FRMD6: variants seen among roughly 807,000 people sequenced by gnomAD.
FRMD6 encodes the protein FERM domain-containing protein 6.
In FRMD6, 37 loss-of-function variants were observed where a neutral mutation model predicts 73.2. That is an observed-to-expected ratio of 0.51 (90% CI 0.39 to 0.66). The LOEUF (loss-of-function observed/expected upper bound fraction) is 0.66, where lower values mean the gene tolerates loss of function less well. Ranked by LOEUF, FRMD6 falls within the 30% of genes least tolerant of loss-of-function variation. The pLI is 0.00. For synonymous variants in FRMD6, 273 were observed against 282.2 expected (o/e 0.97, Z 0.33); for missense variants, 714 against 780.5 (o/e 0.91, Z 1.02).
At chr14:51,605,869 C>A (rs1441191889) in intron 2 of FRMD6, among the ~76,000 whole-genome samples, 2 of 152,124 alleles carry the variant, frequency 1.3e-5, no homozygotes, top group East Asian at 3.9e-4. Flanking sequence ...AGCTGTACCC[C>A]CGAGTCTCAG....
chr14:51,660,472 C>A (rs1318176742), intron 1 of FRMD6, among the ~76,000 whole-genome samples: 5 of 151,978 alleles, frequency 3.3e-5, no homozygotes, highest in Non-Finnish European at 7.4e-5. Flanking sequence ...TGTGCAAGAT[C>A]TGGTAAAAAT....
At chr14:51,629,182 T>G (rs1207032010) in intron 2 of FRMD6, among the ~76,000 whole-genome samples, 1 of 152,126 alleles carries the variant, frequency 6.6e-6, no homozygotes, top group African/African-American at 2.4e-5. Flanking sequence ...CCCAGCCACA[T>G]CTCCCTTTTT....
At chr14:51,621,571 A>G (rs1890928263) in intron 2 of FRMD6, among the ~76,000 whole-genome samples, 1 of 152,172 alleles carries the variant, frequency 6.6e-6, no homozygotes, top group Admixed American at 6.5e-5. Flanking sequence ...TGAAAGCATA[A>G]CAGAGAGGAC....
At position 51,704,646 on chromosome 14, in the gene FRMD6, G is replaced by A. The variant is rs1033356604; in HGVS notation, c.372-103G>A. The A allele has an allele frequency of 4.4e-6, 4 of 916,184 alleles. No individual in the cohort carries two copies. The African/African-American group carries it at 6.6e-5, about 15-fold the overall frequency. 56.8% of individuals were successfully genotyped at this position (916,184 alleles called of 1,614,324 possible). On this transcript the variant is annotated intron_variant, in intron 5 of 13. Transcript: ENST00000344768. ...GAGGTGGGAGGGAGGAGCAGAAACA[G>A]AAGGGTTCCTGTCACCAGATGGAGA...
intron 2 of FRMD6, among the ~76,000 whole-genome samples, chr14:51,628,277 T>C (rs1241093938): frequency 6.6e-6 from 1 of 152,246 alleles, no homozygotes; most frequent in Non-Finnish European, 1.5e-5. Flanking sequence ...ATGAATTATA[T>C]AACAATAAAT....
intron 1 of FRMD6, among the ~76,000 whole-genome samples, chr14:51,489,976 CT>C (rs1882901440): frequency 6.6e-6 from 1 of 152,190 alleles, no homozygotes. Flanking sequence ...CAGTTACATG[CT>C]TACCCTCTGG....
chr14:51,627,209 T>C (rs548686582), intron 2 of FRMD6, among the ~76,000 whole-genome samples: 17 of 152,196 alleles, frequency 1.1e-4, no homozygotes, highest in Non-Finnish European at 2.4e-4. Context: ...GGGAGCATGA[T>C]TAAAATATCA....
intron 11 of FRMD6, among the ~76,000 whole-genome samples, chr14:51,721,734 G>GGAA (rs1897603090): frequency 8.5e-6 from 1 of 117,496 alleles, no homozygotes; most frequent in Non-Finnish European, 1.8e-5. Flanking sequence ...GAGGAAGGGA[G>GGAA]GGAGGAAGGA....
chr14:51,603,435 G>A (rs1890118455), intron 2 of FRMD6, among the ~76,000 whole-genome samples: 1 of 151,872 alleles, frequency 6.6e-6, no homozygotes, highest in Non-Finnish European at 1.5e-5. Context: ...GATTGCAAGT[G>A]ATTTTTTTTT....
intron 1 of FRMD6, among the ~76,000 whole-genome samples, chr14:51,541,543 A>G (rs1399727759): frequency 1.3e-5 from 2 of 152,060 alleles, no homozygotes; most frequent in Non-Finnish European, 2.9e-5. Flanking sequence ...GAAGACAAAA[A>G]CTGAGAGACA....
At position 51,702,518 on chromosome 14, in the gene FRMD6, G is replaced by T; in HGVS notation, c.301G>T (p.Asp101Tyr). ...VRQYEVTWGI[D>Y]QFGPPMIIHF... ...TGTGTGCTTTTGTTTCTAGGGTATC[G>T]ACCAATTTGGGCCTCCTATGATCAT... is the stretch of plus-strand genomic sequence containing the variant. The change falls in exon 5 of 14, where the codon GAC (aspartate) becomes TAC (tyrosine). Residue 101 changes from aspartate (D) to tyrosine (Y), a missense_variant. Coordinates refer to ENST00000344768, the MANE Select transcript of FRMD6 (RefSeq NM_001267046.2). 1 of 1,611,152 alleles carries T rather than the reference G, an allele frequency of 6.2e-7. No individual in the cohort carries two copies. The highest frequency in any genetic ancestry group is 1.1e-5 in the South Asian group (1 of 90,848).
intron 1 of FRMD6, among the ~76,000 whole-genome samples, chr14:51,688,637 C>G (rs1895339740): frequency 1.3e-5 from 2 of 152,122 alleles, no homozygotes; most frequent in African/African-American, 4.8e-5. Flanking sequence ...TTACGTCCTA[C>G]AAATGTAGCT....
intron 2 of FRMD6, chr14:51,575,613 T>C (rs1888357602): frequency 6.6e-6 from 1 of 152,354 alleles, no homozygotes; most frequent in African/African-American, 2.4e-5. Flanking sequence ...TTGAAATCCT[T>C]AGAGATTTTT....
intron 1 of FRMD6, among the ~76,000 whole-genome samples, chr14:51,520,901 C>T (rs960924202): frequency 1.3e-5 from 2 of 151,912 alleles, no homozygotes; most frequent in Non-Finnish European, 2.9e-5. Flanking sequence ...TAGAGTGAGA[C>T]CCTGTCTCAA....
intron 1 of FRMD6, among the ~76,000 whole-genome samples, chr14:51,508,187 G>T (rs1444792323): frequency 1.3e-5 from 2 of 151,918 alleles, no homozygotes; most frequent in East Asian, 1.9e-4. Context: ...CCCGCTGGGT[G>T]ACCCCATCCG....
chr14:51,642,849 G>C (rs1891872484), intron 2 of FRMD6, among the ~76,000 whole-genome samples: 1 of 152,164 alleles, frequency 6.6e-6, no homozygotes, highest in Admixed American at 6.5e-5. Flanking sequence ...ATAAGTATCT[G>C]CTAAATGAAT....
chr14:51,675,199 C>A (rs1489464347), intron 1 of FRMD6, among the ~76,000 whole-genome samples: 6 of 151,912 alleles, frequency 3.9e-5, no homozygotes, highest in Non-Finnish European at 8.8e-5. Flanking sequence ...TAGCAGAGGC[C>A]GGCTTCTGAT....
the FRMD6 span, among the ~76,000 whole-genome samples, chr14:51,404,349 C>A: frequency 6.6e-6 from 1 of 151,966 alleles, no homozygotes; most frequent in Non-Finnish European, 1.5e-5. Flanking sequence ...TGTCTTTTTA[C>A]TATATTTATG....
the FRMD6 span, among the ~76,000 whole-genome samples, chr14:51,403,578 T>G: frequency 2.0e-5 from 3 of 152,082 alleles, no homozygotes; most frequent in East Asian, 5.8e-4. Flanking sequence ...TTTTTTGTAT[T>G]TTTTGTAGAG....
Sources: gnomAD v4.1 joint callset for allele counts (sites outside exome capture counted in the v4.1 genomes callset) on GRCh38, gnomAD v4.1.1 for gene constraint, MANE v1.5 for transcripts, NCBI Gene and HGNC (gene_info 2026-07-23, HGNC 2026-07-21) for gene names.